Variants in CNTN5 observed in about 807,000 individuals in gnomAD.
CNTN5 encodes contactin 5.
A neutral mutation model predicts 129.1 loss-of-function variants in CNTN5; 77 were observed. That is an observed-to-expected ratio of 0.60 (90% CI 0.50 to 0.72). The LOEUF is 0.72. Among genes scored for constraint, CNTN5 ranks in the 30% least tolerant of loss-of-function variants. The pLI is 0.00. For synonymous variants in CNTN5, 509 were observed against 465.6 expected (o/e 1.09, Z -1.20); for missense variants, 1,478 against 1,328.8 (o/e 1.11, Z -1.75).
intron 15 of CNTN5, among the ~76,000 whole-genome samples, chr11:100,209,051 C>T (rs1948970810): frequency 6.6e-6 from 1 of 152,178 alleles, no homozygotes; most frequent in South Asian, 2.1e-4. Flanking sequence ...ATGCAATTGT[C>T]TGTTTGCTCC....
chr11:100,148,698 A>G (rs1234385913), intron 13 of CNTN5, among the ~76,000 whole-genome samples: 2 of 133,202 alleles, frequency 1.5e-5, no homozygotes, highest in Non-Finnish European at 3.1e-5. Context: ...AGTATGAAAA[A>G]TTACAGGTCA....
intron 8 of CNTN5, among the ~76,000 whole-genome samples, chr11:99,963,949 GCTCT>G (rs912090815): frequency 6.6e-6 from 1 of 151,888 alleles, no homozygotes; most frequent in African/African-American, 2.4e-5. Flanking sequence ...TCATGATTTG[GCTCT>G]CTGTTTGTCT....
chr11:99,161,425 A>G (rs1011060318), intron 1 of CNTN5, among the ~76,000 whole-genome samples: 12 of 152,040 alleles, frequency 7.9e-5, no homozygotes, highest in Non-Finnish European at 1.5e-4. Context: ...AAAATGACAC[A>G]GTTCTGGCCA....
intron 6 of CNTN5, among the ~76,000 whole-genome samples, chr11:99,874,356 C>T (rs1228418027): frequency 6.6e-6 from 1 of 152,162 alleles, no homozygotes; most frequent in African/African-American, 2.4e-5. Flanking sequence ...TGATTAGACA[C>T]ACATGGTTTA....
intron 2 of CNTN5, among the ~76,000 whole-genome samples, chr11:99,531,323 C>T (rs4450141): frequency 0.51 from 77,457 of 152,018 alleles, 19,941 homozygotes; most frequent in Non-Finnish European, 0.53. Flanking sequence ...TTTTAAGCAG[C>T]AAAGCTTTCA....
intron 6 of CNTN5, among the ~76,000 whole-genome samples, chr11:99,854,373 A>G (rs941841535): frequency 1.8e-4 from 27 of 152,220 alleles, no homozygotes; most frequent in African/African-American, 6.3e-4. Flanking sequence ...ACACCAAAGA[A>G]TAAGAATGTT....
At chr11:99,493,598 C>T (rs1273883439) in intron 2 of CNTN5, among the ~76,000 whole-genome samples, 11 of 152,134 alleles carry the variant, frequency 7.2e-5, no homozygotes, top group South Asian at 2.1e-4. Flanking sequence ...AAACAAATTC[C>T]GGTTCTAGTG....
At chr11:99,530,683 T>C (rs1236381213) in intron 2 of CNTN5, among the ~76,000 whole-genome samples, 4 of 152,228 alleles carry the variant, frequency 2.6e-5, no homozygotes, top group Non-Finnish European at 5.9e-5. Flanking sequence ...GAGGAGGTAA[T>C]TGAATCATGG....
At chr11:99,641,813 C>T (rs961704229) in intron 3 of CNTN5, among the ~76,000 whole-genome samples, 2 of 152,136 alleles carry the variant, frequency 1.3e-5, no homozygotes, top group Non-Finnish European at 2.9e-5. Context: ...CTTTTCCAAC[C>T]CTGCTCAATC....
intron 18 of CNTN5, among the ~76,000 whole-genome samples, chr11:100,286,737 C>A (rs563275581): frequency 7.4e-5 from 11 of 148,992 alleles, no homozygotes; most frequent in Admixed American, 4.6e-4. Flanking sequence ...TCACCAGCAA[C>A]GGAACAAAGC....
chr11:99,935,482 T>A (rs1030799935), intron 7 of CNTN5, among the ~76,000 whole-genome samples: 6 of 152,092 alleles, frequency 3.9e-5, no homozygotes, highest in African/African-American at 1.4e-4. Context: ...ATCTCTAATC[T>A]GATACTAGAA....
chr11:99,739,834 C>T (rs187782171), intron 3 of CNTN5, among the ~76,000 whole-genome samples: 2 of 152,100 alleles, frequency 1.3e-5, no homozygotes, highest in African/African-American at 4.8e-5. Flanking sequence ...ATGAGTAAAT[C>T]GAACTGAAGC....
rs76291200 is a variant in CNTN5, at chr11:99,686,583, T to C, written c.55+130314T>C. Among the ~76,000 whole-genome samples the C allele has an allele frequency of 0.018, 2,780 of 152,282 alleles. 114 individuals are homozygous for C. The East Asian group carries it at 0.18, about 10-fold the overall frequency. ...CAATGCCGTTATTTAAAGTTTTTTT[T>C]CCGGAACTTTTATCTCTCACATATG... is the stretch of plus-strand genomic sequence containing the variant. On this transcript the variant is annotated intron_variant, in intron 3 of 24. Transcript: ENST00000524871.
chr11:99,339,576 G>C (rs1214978272), intron 2 of CNTN5, among the ~76,000 whole-genome samples: 1 of 151,966 alleles, frequency 6.6e-6, no homozygotes, highest in African/African-American at 2.4e-5. Context: ...TCAGGAGATC[G>C]AGACCATCCT....
At chr11:99,285,523 A>C (rs1863893908) in intron 1 of CNTN5, among the ~76,000 whole-genome samples, 1 of 152,052 alleles carries the variant, frequency 6.6e-6, no homozygotes, top group Non-Finnish European at 1.5e-5. Context: ...TTCAGTAAAG[A>C]AGTCCTTGCT....
chr11:100,177,830 T>TAC (rs1297934760), intron 13 of CNTN5, among the ~76,000 whole-genome samples: 1 of 152,100 alleles, frequency 6.6e-6, no homozygotes, highest in Admixed American at 6.6e-5. Context: ...GGAGATGGCC[T>TAC]ACATAGTCAA....
intron 1 of CNTN5, among the ~76,000 whole-genome samples, chr11:99,100,297 A>C (rs1866661958): frequency 6.6e-6 from 1 of 152,140 alleles, no homozygotes; most frequent in South Asian, 2.1e-4. Flanking sequence ...GAAATAATAT[A>C]AAGCAAATTC....
At chr11:99,594,475 T>C (rs1458518286) in intron 3 of CNTN5, among the ~76,000 whole-genome samples, 1 of 152,190 alleles carries the variant, frequency 6.6e-6, no homozygotes, top group Non-Finnish European at 1.5e-5. Flanking sequence ...TAGCATGCAG[T>C]TGTTCTTCAC....
At chr11:99,634,863 C>T (rs921939160) in intron 3 of CNTN5, among the ~76,000 whole-genome samples, 3 of 152,164 alleles carry the variant, frequency 2.0e-5, no homozygotes, top group Non-Finnish European at 4.4e-5. Context: ...CAATGTCCCT[C>T]CACCCATAGC....
Sources: allele counts gnomAD v4.1 joint callset (sites outside exome capture counted in the v4.1 genomes callset), GRCh38; gene constraint gnomAD v4.1.1; transcripts MANE v1.5; gene names NCBI Gene and HGNC (gene_info 2026-07-23, HGNC 2026-07-21).